CDH12: variants seen among roughly 807,000 people sequenced by gnomAD.
The protein encoded by CDH12 is cadherin 12, also known as cadherin-12.
Under a neutral mutation model 74.1 loss-of-function variants are expected in CDH12, and 41 were observed. The ratio of observed to expected loss-of-function variants is 0.55; its 90% CI spans 0.43 to 0.72. The LOEUF (loss-of-function observed/expected upper bound fraction) is 0.72. Among genes scored for constraint, CDH12 ranks in the 30% least tolerant of loss-of-function variants. The pLI is 0.00. For synonymous variants in CDH12, 399 were observed against 355.0 expected (o/e 1.12, Z -1.39); for missense variants, 945 against 977.2 (o/e 0.97, Z 0.44).
intron 1 of CDH12, among the ~76,000 whole-genome samples, chr5:22,772,978 C>T (rs181770129): frequency 9.9e-5 from 15 of 151,920 alleles, no homozygotes; most frequent in East Asian, 9.7e-4. Flanking sequence ...AGGAGAACTA[C>T]GAAACACTGT....
intron 1 of CDH12, among the ~76,000 whole-genome samples, chr5:22,604,828 G>C (rs376139752): frequency 1.3e-5 from 2 of 152,096 alleles, no homozygotes; most frequent in African/African-American, 4.8e-5. Context: ...CAAAGTAAGA[G>C]AGATATGCCA....
At chr5:21,791,541 T>C (rs1579708903) in intron 10 of CDH12, among the ~76,000 whole-genome samples, 1 of 152,010 alleles carries the variant, frequency 6.6e-6, no homozygotes, top group Non-Finnish European at 1.5e-5. Context: ...GAGCAAAATA[T>C]TTAAACAGAA....
intron 4 of CDH12, among the ~76,000 whole-genome samples, chr5:22,121,419 G>A (rs1227238151): frequency 6.6e-6 from 1 of 152,150 alleles, no homozygotes; most frequent in Non-Finnish European, 1.5e-5. Context: ...CATCCATTTG[G>A]CATTTGGAGG....
chr5:22,494,900 G>A (rs1747039267), intron 2 of CDH12, among the ~76,000 whole-genome samples: 1 of 152,158 alleles, frequency 6.6e-6, no homozygotes, highest in Non-Finnish European at 1.5e-5. Context: ...ATACATTCAT[G>A]CGTACCTTTA....
At chr5:22,525,529 G>T (rs907508792) in intron 1 of CDH12, among the ~76,000 whole-genome samples, 22 of 151,752 alleles carry the variant, frequency 1.4e-4, no homozygotes, top group Non-Finnish European at 1.0e-4. Flanking sequence ...AGGAAAGAAG[G>T]GAGGGAGAGA....
chr5:22,079,199 C>T (rs1442585149), intron 4 of CDH12, among the ~76,000 whole-genome samples: 1 of 152,140 alleles, frequency 6.6e-6, no homozygotes, highest in African/African-American at 2.4e-5. Context: ...GCAACTTCAG[C>T]ATTATTGACA....
intron 3 of CDH12, among the ~76,000 whole-genome samples, chr5:22,372,455 G>A (rs1010092171): frequency 6.6e-6 from 1 of 152,062 alleles, no homozygotes; most frequent in Non-Finnish European, 1.5e-5. Context: ...ATCCTCATGG[G>A]CCTCAAGACA....
chr5:21,908,332 G>A (rs903303427), intron 6 of CDH12, among the ~76,000 whole-genome samples: 6 of 152,138 alleles, frequency 3.9e-5, no homozygotes, highest in African/African-American at 9.7e-5. Flanking sequence ...ATCCAAACTC[G>A]TTTTAAAAAC....
intron 1 of CDH12, among the ~76,000 whole-genome samples, chr5:22,600,769 C>A (rs1345277634): frequency 6.6e-6 from 1 of 151,688 alleles, no homozygotes; most frequent in Admixed American, 6.6e-5. Context: ...CATATATAAT[C>A]GAATGGAATA....
intron 1 of CDH12, among the ~76,000 whole-genome samples, chr5:22,700,689 G>A (rs1157271006): frequency 6.6e-6 from 1 of 152,126 alleles, no homozygotes; most frequent in African/African-American, 2.4e-5. Context: ...ACTATCCTAA[G>A]GAGAGAGTCA....
intron 6 of CDH12, among the ~76,000 whole-genome samples, chr5:21,970,425 G>A (rs1311940020): frequency 1.3e-5 from 2 of 152,082 alleles, no homozygotes; most frequent in Non-Finnish European, 2.9e-5. Context: ...GCATTTTTGT[G>A]AAAATAAGGA....
intron 3 of CDH12, among the ~76,000 whole-genome samples, chr5:22,264,330 C>A (rs572563598): frequency 1.3e-5 from 2 of 152,026 alleles, no homozygotes; most frequent in East Asian, 3.9e-4. Context: ...AACTTCATTC[C>A]TTTGAAAAAT....
intron 1 of CDH12, among the ~76,000 whole-genome samples, chr5:22,792,338 G>A (rs910641985): frequency 2.0e-5 from 3 of 151,940 alleles, no homozygotes; most frequent in Non-Finnish European, 4.4e-5. Flanking sequence ...ATCTGCCTCC[G>A]TCGGCCTCCC....
chr5:22,431,708 G>T (rs1444811145), intron 2 of CDH12, among the ~76,000 whole-genome samples: 1 of 152,170 alleles, frequency 6.6e-6, no homozygotes, highest in Non-Finnish European at 1.5e-5. Flanking sequence ...TGCTGACCTG[G>T]TGAAGGCCTA....
At chr5:21,849,522 C>T (rs1750353458) in intron 7 of CDH12, among the ~76,000 whole-genome samples, 1 of 151,692 alleles carries the variant, frequency 6.6e-6, no homozygotes, top group South Asian at 2.1e-4. Flanking sequence ...AGTTTTCTTT[C>T]CTTATATTTA....
chr5:22,396,266 G>A (rs1742453799), intron 3 of CDH12, among the ~76,000 whole-genome samples: 1 of 152,034 alleles, frequency 6.6e-6, no homozygotes, highest in Non-Finnish European at 1.5e-5. Context: ...CAGATGCCCT[G>A]GAGAGGTCAG....
intron 1 of CDH12, among the ~76,000 whole-genome samples, chr5:22,845,839 C>T (rs1233277946): frequency 6.6e-6 from 1 of 152,030 alleles, no homozygotes; most frequent in East Asian, 1.9e-4. Flanking sequence ...GGAGAGTGTA[C>T]ATCTGCTACT....
chr5:22,213,450 G>C (rs1207523786), intron 3 of CDH12: 1 of 151,750 alleles, frequency 6.6e-6, no homozygotes, highest in East Asian at 1.9e-4. Flanking sequence ...TCATCTCTTT[G>C]ATTATCTGTT....
chr5:22,817,217 G>C (rs1274786436), intron 1 of CDH12, among the ~76,000 whole-genome samples: 1 of 152,002 alleles, frequency 6.6e-6, no homozygotes, highest in African/African-American at 2.4e-5. Context: ...TATTCAAAGT[G>C]TGGTTTTAGT....
Sources: allele counts gnomAD v4.1 joint callset (sites outside exome capture counted in the v4.1 genomes callset), GRCh38; gene constraint gnomAD v4.1.1; transcripts MANE v1.5; gene names NCBI Gene and HGNC (gene_info 2026-07-23, HGNC 2026-07-21).